Variants in FBXO4 observed in about 807,000 individuals in gnomAD.
FBXO4 encodes F-box only protein 4.
FBXO4 carries 36 observed loss-of-function variants against 43.7 expected under a neutral mutation model. The observed-to-expected ratio is 0.82, with a 90% CI of 0.63 to 1.09. The LOEUF (loss-of-function observed/expected upper bound fraction) is 1.09. Among genes scored for constraint, FBXO4 ranks in the 50% least tolerant of loss-of-function variants. The pLI, the probability that FBXO4 is intolerant of heterozygous loss-of-function variation, is 0.00. For synonymous variants in FBXO4, 180 were observed against 165.6 expected, an observed-to-expected ratio of 1.09 and a Z score of -0.67; for missense variants, 435 against 474.1, an observed-to-expected ratio of 0.92 and a Z score of 0.77.
At chr5:41,972,211 C>T in the FBXO4 span, among the ~76,000 whole-genome samples, 1 of 151,978 alleles carries the variant, frequency 6.6e-6, no homozygotes, top group Non-Finnish European at 1.5e-5. Context: ...AGTCTCTGCC[C>T]AAAGGCTCTT....
the FBXO4 span, among the ~76,000 whole-genome samples, chr5:42,029,138 G>A: frequency 6.6e-6 from 1 of 151,848 alleles, no homozygotes; most frequent in East Asian, 1.9e-4. Context: ...TGGTATTGAC[G>A]AAATCCCTCA....
chr5:42,013,512 C>T, the FBXO4 span, among the ~76,000 whole-genome samples: 1 of 152,112 alleles, frequency 6.6e-6, no homozygotes. Context: ...TATTTTGAAC[C>T]TTGTTTCTTC....
At chr5:41,945,897 G>A (rs889955463), downstream of FBXO4, among the ~76,000 whole-genome samples, 1 of 152,154 alleles carries the variant, frequency 6.6e-6, no homozygotes, top group African/African-American at 2.4e-5. Flanking sequence ...ATAGGTTATG[G>A]AAAGACTGTG....
chr5:41,965,125 A>G, the FBXO4 span, among the ~76,000 whole-genome samples: 2 of 152,164 alleles, frequency 1.3e-5, no homozygotes, highest in Admixed American at 6.5e-5. Context: ...TCCCAGCACC[A>G]TTTATGAAAT....
At chr5:41,995,385 G>C in the FBXO4 span, among the ~76,000 whole-genome samples, 9 of 152,358 alleles carry the variant, frequency 5.9e-5, no homozygotes, top group South Asian at 2.1e-4. Flanking sequence ...CCACTAGGTA[G>C]TTGGCTGATC....
chr5:42,020,194 G>T, the FBXO4 span, among the ~76,000 whole-genome samples: 1 of 152,074 alleles, frequency 6.6e-6, no homozygotes, highest in Non-Finnish European at 1.5e-5. Flanking sequence ...AAGGTCAAAA[G>T]GTAGCCACAA....
the FBXO4 span, among the ~76,000 whole-genome samples, chr5:41,999,512 T>TACAC: frequency 5.5e-5 from 6 of 109,430 alleles, 1 homozygote; most frequent in African/African-American, 2.6e-4. Flanking sequence ...TATGTGTATA[T>TACAC]ATATATATAT....
At chr5:41,994,157 A>G in the FBXO4 span, among the ~76,000 whole-genome samples, 2 of 152,204 alleles carry the variant, frequency 1.3e-5, no homozygotes, top group African/African-American at 4.8e-5. Flanking sequence ...TAATACAACT[A>G]TCCTTCGTAC....
downstream of FBXO4, among the ~76,000 whole-genome samples, chr5:41,943,996 A>G (rs1372702564): frequency 3.3e-5 from 5 of 152,194 alleles, no homozygotes; most frequent in East Asian, 9.6e-4. Flanking sequence ...CCTCAGGAGA[A>G]ACCAAACCTG....
At chr5:41,959,214 T>G in the FBXO4 span, among the ~76,000 whole-genome samples, 1 of 152,130 alleles carries the variant, frequency 6.6e-6, no homozygotes, top group African/African-American at 2.4e-5. Context: ...CAGTTCAAGT[T>G]TTTTGCTCAG....
At chr5:42,018,683 G>T in the FBXO4 span, among the ~76,000 whole-genome samples, 2 of 152,084 alleles carry the variant, frequency 1.3e-5, no homozygotes, top group African/African-American at 2.4e-5. Flanking sequence ...TAAGTCAATA[G>T]AATTTTTCTT....
chr5:41,962,204 G>C, the FBXO4 span, among the ~76,000 whole-genome samples: 3 of 152,174 alleles, frequency 2.0e-5, no homozygotes, highest in Non-Finnish European at 4.4e-5. Context: ...TTTACCACAG[G>C]CTGCAAATAA....
At chr5:42,001,350 T>C in the FBXO4 span, among the ~76,000 whole-genome samples, 1 of 152,148 alleles carries the variant, frequency 6.6e-6, no homozygotes, top group African/African-American at 2.4e-5. Flanking sequence ...CTCTCTCACC[T>C]TCCTGATTAG....
the FBXO4 span, among the ~76,000 whole-genome samples, chr5:42,030,679 A>C: frequency 1.3e-5 from 2 of 151,546 alleles, no homozygotes; most frequent in South Asian, 2.1e-4. Flanking sequence ...CAACCTACAA[A>C]ATGGGAGAAA....
At chr5:41,966,377 A>C in the FBXO4 span, among the ~76,000 whole-genome samples, 1 of 152,200 alleles carries the variant, frequency 6.6e-6, no homozygotes, top group Non-Finnish European at 1.5e-5. Context: ...ACAACACAAA[A>C]CTTTAACAAT....
the FBXO4 span, among the ~76,000 whole-genome samples, chr5:42,023,721 G>A: frequency 1.3e-5 from 2 of 151,712 alleles, no homozygotes; most frequent in Admixed American, 6.6e-5. Context: ...ATAATAATAT[G>A]AACCCCCATC....
the FBXO4 span, among the ~76,000 whole-genome samples, chr5:41,971,065 G>A: frequency 2.6e-5 from 4 of 151,932 alleles, no homozygotes; most frequent in African/African-American, 9.7e-5. Context: ...TATTTTTTGG[G>A]TCAACTGGGG....
the FBXO4 span, among the ~76,000 whole-genome samples, chr5:41,949,365 CAA>C: frequency 1.3e-5 from 2 of 152,210 alleles, no homozygotes; most frequent in East Asian, 1.9e-4. Context: ...GCAACTTCAG[CAA>C]AGTCTCAGGA....
chr5:42,010,932 T>C, the FBXO4 span, among the ~76,000 whole-genome samples: 1 of 152,088 alleles, frequency 6.6e-6, no homozygotes, highest in African/African-American at 2.4e-5. Context: ...AACCTGCAGG[T>C]TTGTTACATA....
Sources: allele counts gnomAD v4.1 joint callset (sites outside exome capture counted in the v4.1 genomes callset), GRCh38; gene constraint gnomAD v4.1.1; transcripts MANE v1.5; gene names NCBI Gene and HGNC (gene_info 2026-07-23, HGNC 2026-07-21).